The following KLC1 variants were observed in gnomAD, a reference collection of about 807,000 sequenced individuals.
The protein encoded by KLC1 is kinesin light chain 1.
KLC1 carries 30 observed loss-of-function variants against 84.2 expected under a neutral mutation model. The ratio of observed to expected loss-of-function variants is 0.36; its 90% confidence interval spans 0.27 to 0.48. The LOEUF is 0.48. Ranked by LOEUF, KLC1 falls within the 20% of genes least tolerant of loss-of-function variation. The pLI is 0.99. For synonymous variants in KLC1, 289 were observed against 293.3 expected (o/e 0.99, Z 0.15); for missense variants, 499 against 805.4 (o/e 0.62, Z 4.60).
At chr14:103,647,798 C>T (rs1227367166) in intron 1 of KLC1, among the ~76,000 whole-genome samples, 1 of 150,674 alleles carries the variant, frequency 6.6e-6, no homozygotes, top group Non-Finnish European at 1.5e-5. Context: ...ATCGCTTGAA[C>T]CTGGGAGGTG....
chr14:103,699,931 C>T, intron 15 of KLC1: 1 of 359,442 alleles, frequency 2.8e-6, no homozygotes, highest in Non-Finnish European at 5.4e-6. Flanking sequence ...TGGTTTCACC[C>T]TCTCCCCCTC....
At chr14:103,672,756 T>C (rs2080520941) in intron 7 of KLC1, among the ~76,000 whole-genome samples, 1 of 152,190 alleles carries the variant, frequency 6.6e-6, no homozygotes, top group Non-Finnish European at 1.5e-5. Context: ...AAAATATAAC[T>C]ACCATGAAGG....
chr14:103,672,983 G>C, intron 7 of KLC1, 31 bp from the exon 8 acceptor site: 1 of 1,602,584 alleles, frequency 6.2e-7, no homozygotes, highest in Non-Finnish European at 8.5e-7. Flanking sequence ...AGCAGAACAA[G>C]TGTCTCTAAT....
chr14:103,684,808 T>G, intron 13 of KLC1: 1 of 601,866 alleles, frequency 1.7e-6, no homozygotes, highest in Non-Finnish European at 3.0e-6. Context: ...TTGAGGTGTA[T>G]TATAAACTAC....
intron 15 of KLC1, chr14:103,699,064 C>T (rs758701199): frequency 3.6e-5 from 56 of 1,562,896 alleles, no homozygotes; most frequent in South Asian, 7.0e-5. Context: ...TTGGTGGCCC[C>T]GCCCACTTCG....
chr14:103,686,087 C>T (rs2151821329), intron 13 of KLC1: 1 of 1,011,130 alleles, frequency 9.9e-7, no homozygotes, highest in Non-Finnish European at 1.2e-6. Context: ...CCGGGTCTCC[C>T]TAGGATATGC....
intron 5 of KLC1, among the ~76,000 whole-genome samples, chr14:103,667,545 A>G (rs972455927): frequency 6.6e-6 from 1 of 150,978 alleles, no homozygotes. Context: ...TGTGTTGCCC[A>G]GGCTTGTCTT....
Position 103,657,752 on chromosome 14 carries a change from A to G in KLC1, c.468A>G (p.Lys156=). 1 of 1,614,064 alleles carries G rather than the reference A, an allele frequency of 6.2e-7. No homozygotes were observed. Among genetic ancestry groups the G allele is most frequent in the Non-Finnish European group, 8.5e-7 (1 of 1,179,890 alleles). The change falls in exon 3 of 17, where the codon AAA becomes AAG. Residue 156 remains lysine (K), a synonymous_variant. Coordinates refer to ENST00000334553, the MANE Select transcript of KLC1 (RefSeq NM_001394837.1). The stretch of plus-strand genomic sequence containing the variant: ...TGGAGTTTATGAATCAGCTAAAAAA[A>G]TATGATGACGACATTTCCCCATCCG... ...KHLEFMNQLK[K]YDDDISPSED... is the part of the protein sequence containing the mutation.
intron 6 of KLC1, 113 bp from the exon 7 acceptor site, chr14:103,670,069 C>G: frequency 1.4e-6 from 1 of 706,678 alleles, no homozygotes. Context: ...ATTGTTCTAT[C>G]CGACTAAGAA....
chr14:103,668,452 A>G (rs2080077731), intron 5 of KLC1, among the ~76,000 whole-genome samples: 3 of 151,768 alleles, frequency 2.0e-5, no homozygotes, highest in African/African-American at 7.3e-5. Flanking sequence ...TTTTTTCCCC[A>G]TCCATAAGCT....
At chr14:103,685,069 C>T (rs375431760) in intron 13 of KLC1, 70 of 1,545,234 alleles carry the variant, frequency 4.5e-5, no homozygotes, top group Middle Eastern at 3.4e-4. Flanking sequence ...CAGGCCCTGC[C>T]GTCTGGCGCT....
chr14:103,661,778 G>T (rs1208951755), intron 3 of KLC1, among the ~76,000 whole-genome samples: 1 of 152,036 alleles, frequency 6.6e-6, no homozygotes, highest in African/African-American at 2.4e-5. Flanking sequence ...TACATATTTG[G>T]TTCCCAAATA....
At chr14:103,632,245 G>C (rs1376489574) in intron 1 of KLC1, among the ~76,000 whole-genome samples, 2 of 152,048 alleles carry the variant, frequency 1.3e-5, no homozygotes, top group Non-Finnish European at 2.9e-5. Flanking sequence ...GGCCAACATG[G>C]TGAAACCCCG....
chr14:103,637,973 A>G (rs529899464), intron 1 of KLC1, among the ~76,000 whole-genome samples: 1 of 152,248 alleles, frequency 6.6e-6, no homozygotes, highest in South Asian at 2.1e-4. Context: ...TTACAGACGT[A>G]AGCCACTATG....
chr14:103,700,210 G>A (rs927700980), intron 15 of KLC1: 4 of 195,480 alleles, frequency 2.0e-5, no homozygotes, highest in South Asian at 9.9e-5. Flanking sequence ...AGTGCCTCCC[G>A]TGCATCCAGG....
At position 103,657,709 on chromosome 14, in the gene KLC1, A is replaced by T. The variant is rs760394428; in HGVS notation, c.425A>T (p.Glu142Val). The change falls in exon 3 of 17, where the codon GAG becomes GTG. Residue 142 changes from glutamate (E) to valine (V), a missense_variant. This residue lies in a region of KLC1 where 179 missense variants were observed against 264.2 expected (regional missense o/e 0.68). Transcript: ENST00000334553. ...AGTGAGCAGTCTGTGGCTCAACTGGAGGAGGAGAAGAAGCATCTGGAGTTT... is the reference window on the plus strand; with the variant it reads ...AGTGAGCAGTCTGTGGCTCAACTGGTGGAGGAGAAGAAGCATCTGGAGTTT... The part of the protein sequence containing the change: ...QKSEQSVAQL[E>V]EEKKHLEFMN... The T allele has an allele frequency of 6.2e-7, 1 of 1,614,154 alleles. No homozygotes were observed. Among genetic ancestry groups the T allele is most frequent in the East Asian group, 2.2e-5 (1 of 44,884 alleles).
chr14:103,683,143 C>G (rs180912710), intron 13 of KLC1: 1 of 152,134 alleles, frequency 6.6e-6, no homozygotes, highest in Admixed American at 6.5e-5. Flanking sequence ...TAATGATAAT[C>G]GTCCCCTGTG....
At chr14:103,645,106 T>G (rs532587839) in intron 1 of KLC1, among the ~76,000 whole-genome samples, 2 of 152,142 alleles carry the variant, frequency 1.3e-5, no homozygotes, top group South Asian at 4.1e-4. Context: ...CTCAAGTAAC[T>G]GGGGTTACAG....
At chr14:103,660,097 A>G (rs1205751549) in intron 3 of KLC1, among the ~76,000 whole-genome samples, 1 of 152,144 alleles carries the variant, frequency 6.6e-6, no homozygotes, top group Non-Finnish European at 1.5e-5. Context: ...TGGGGAGAAC[A>G]CAGTTTAGTT....
Sources: allele counts gnomAD v4.1 joint callset (sites outside exome capture counted in the v4.1 genomes callset), GRCh38; gene constraint gnomAD v4.1.1; regional missense constraint gnomAD v4.1.1; transcripts MANE v1.5; gene names NCBI Gene and HGNC (gene_info 2026-07-23, HGNC 2026-07-21).